Variants in TRAK1 observed in about 807,000 individuals in gnomAD.
TRAK1 encodes the protein trafficking kinesin-binding protein 1.
TRAK1 carries 33 observed loss-of-function variants against 92.1 expected under a neutral mutation model. The observed-to-expected ratio is 0.36, with a 90% CI of 0.27 to 0.48. The LOEUF (loss-of-function observed/expected upper bound fraction) is 0.48, where lower values mean the gene tolerates loss of function less well. Ranked by LOEUF, TRAK1 falls within the 20% of genes least tolerant of loss-of-function variation. The probability of loss-of-function intolerance (pLI) is 0.99; values close to 1 mark genes in which losing one functional copy is unlikely to be tolerated. For synonymous variants in TRAK1, 521 were observed against 517.3 expected (o/e 1.01, Z -0.10); for missense variants, 1,123 against 1,257.9 (o/e 0.89, Z 1.62).
At position 42,160,600 on chromosome 3, in the gene TRAK1, A is replaced by G. The variant is rs1375211814; in HGVS notation, c.287-16214A>G. The G allele has an allele frequency of 3.7e-6, 4 of 1,067,490 alleles. No individual in the cohort carries two copies. In the African/African-American group the frequency reaches 6.6e-5, roughly 18 times the overall value. The allele number at this position is 1,067,490 out of a possible 1,614,324, so 66.1% of individuals were successfully genotyped here. ...TTTTAAGTTGAGGTATAAGTTAGAG[A>G]TCTTATGCAAATGGCTTAAAGGTGT... On this transcript the variant is annotated intron_variant, in intron 2 of 15. Coordinates refer to ENST00000327628, the MANE Select transcript of TRAK1 (RefSeq NM_001042646.3).
chr3:42,049,504 C>G (rs72867941), intron 1 of TRAK1, among the ~76,000 whole-genome samples: 15,128 of 151,866 alleles, frequency 0.1, 2,593 homozygotes, highest in African/African-American at 0.35. Context: ...ACCTTTCCAT[C>G]TAGAAGTTTA....
At chr3:42,045,092 G>A (rs1299650376) in intron 1 of TRAK1, among the ~76,000 whole-genome samples, 1 of 151,986 alleles carries the variant, frequency 6.6e-6, no homozygotes, top group South Asian at 2.1e-4. Context: ...ATTTCATAGT[G>A]CATTACTTCT....
At chr3:42,076,091 G>A (rs1452649663) in intron 1 of TRAK1, among the ~76,000 whole-genome samples, 2 of 151,826 alleles carry the variant, frequency 1.3e-5, no homozygotes, top group African/African-American at 2.4e-5. Flanking sequence ...TGATCCACCC[G>A]CCTCAGCCTC....
At chr3:42,210,559 C>T in intron 14 of TRAK1, 1 of 1,105,212 alleles carries the variant, frequency 9.0e-7, no homozygotes. Context: ...AAATTGAGTG[C>T]TGGGTCATTC....
chr3:42,178,871 A>G, intron 3 of TRAK1, among the ~76,000 whole-genome samples: 1 of 152,170 alleles, frequency 6.6e-6, no homozygotes, highest in East Asian at 1.9e-4. Context: ...GCTACTCGGG[A>G]GGCTGAGGTA....
intron 12 of TRAK1, among the ~76,000 whole-genome samples, chr3:42,201,623 A>G (rs140165534): frequency 1.2e-3 from 175 of 152,140 alleles, no homozygotes; most frequent in African/African-American, 4.0e-3. Context: ...GGATTAATGA[A>G]TATTTTTTTT....
chr3:42,123,287 C>T (rs1262748602), intron 1 of TRAK1, among the ~76,000 whole-genome samples: 4 of 152,256 alleles, frequency 2.6e-5, no homozygotes, highest in Non-Finnish European at 5.9e-5. Flanking sequence ...GTTCCATGTT[C>T]TACCTGAGTG....
At chr3:42,045,528 C>T (rs757085014) in intron 1 of TRAK1, among the ~76,000 whole-genome samples, 3 of 152,170 alleles carry the variant, frequency 2.0e-5, no homozygotes, top group Non-Finnish European at 4.4e-5. Context: ...GAGCAAGACT[C>T]AGCCTCAAAA....
intron 2 of TRAK1, among the ~76,000 whole-genome samples, chr3:42,132,452 C>T (rs1207896647): frequency 6.6e-6 from 1 of 151,584 alleles, no homozygotes; most frequent in Non-Finnish European, 1.5e-5. Flanking sequence ...TTTGTAGAGA[C>T]AGGGTTTTCA....
At chr3:42,108,972 G>A (rs991681608) in intron 1 of TRAK1, among the ~76,000 whole-genome samples, 4 of 152,142 alleles carry the variant, frequency 2.6e-5, no homozygotes, top group South Asian at 2.1e-4. Flanking sequence ...TATAAGGAGG[G>A]ATTATTTAAT....
At position 42,185,328 on chromosome 3, in the gene TRAK1, CA is replaced by C. The variant is rs1704635901; in HGVS notation, c.480+531del. ...GTAGTATAATTTTGTGTGTGTAAAA[CA>C]AAACAAGACAAAAATAGCCTGTTGT... On this transcript the variant is annotated intron_variant, in intron 4 of 15. Transcript: ENST00000327628. 2.0e-5 allele frequency among the ~76,000 whole-genome samples: 3 copies of C among 152,258 alleles called. No homozygotes were observed. The South Asian group carries it at 6.2e-4, about 32-fold the overall frequency.
intron 14 of TRAK1, among the ~76,000 whole-genome samples, chr3:42,216,614 C>G (rs1329897675): frequency 6.6e-6 from 1 of 152,160 alleles, no homozygotes; most frequent in East Asian, 1.9e-4. Context: ...ACGGGCAGTT[C>G]ATCAACACAG....
At chr3:42,218,715 G>A (rs1709992949) in intron 14 of TRAK1, 1 of 985,200 alleles carries the variant, frequency 1.0e-6, no homozygotes, top group African/African-American at 1.7e-5. Context: ...AACATTAAAA[G>A]GAAGTAAATT....
At chr3:42,123,805 G>T (rs1177326004) in intron 1 of TRAK1, among the ~76,000 whole-genome samples, 4 of 151,332 alleles carry the variant, frequency 2.6e-5, no homozygotes. Flanking sequence ...TCTTATTTTT[G>T]TTTTCTACTT....
chr3:42,111,027 C>A (rs1708329822), intron 1 of TRAK1, among the ~76,000 whole-genome samples: 1 of 152,080 alleles, frequency 6.6e-6, no homozygotes, highest in Admixed American at 6.6e-5. Context: ...GTGGAAAATG[C>A]CAGGGGCCAA....
intron 1 of TRAK1, among the ~76,000 whole-genome samples, chr3:42,026,111 T>C (rs1162521311): frequency 1.3e-5 from 2 of 152,098 alleles, no homozygotes; most frequent in African/African-American, 4.8e-5. Flanking sequence ...TCTCCCTCCA[T>C]CCCTCCTTTC....
intron 13 of TRAK1, chr3:42,203,483 C>T: frequency 1.1e-5 from 11 of 965,002 alleles, no homozygotes; most frequent in Non-Finnish European, 1.3e-5. Context: ...CTCCCTCTTG[C>T]CCTCCTGCCT....
chr3:42,174,111 C>G (rs186997826), intron 2 of TRAK1, among the ~76,000 whole-genome samples: 3 of 152,304 alleles, frequency 2.0e-5, no homozygotes. Context: ...ACTGCAACCT[C>G]CACCTCCCGG....
intron 1 of TRAK1, among the ~76,000 whole-genome samples, chr3:42,030,692 ATATATATATAT>A (rs1702102698): frequency 1.0e-4 from 1 of 9,596 alleles, no homozygotes; most frequent in African/African-American, 5.0e-4. Flanking sequence ...AAAAAAGAAT[ATATATATATAT>A]ATATATATAT....
Sources: allele counts gnomAD v4.1 joint callset (sites outside exome capture counted in the v4.1 genomes callset), GRCh38; gene constraint gnomAD v4.1.1; transcripts MANE v1.5; gene names NCBI Gene and HGNC (gene_info 2026-07-23, HGNC 2026-07-21).